The following PIK3C2G variants were observed in gnomAD, a reference collection of about 807,000 sequenced individuals.
PIK3C2G encodes the protein phosphatidylinositol 3-kinase C2 domain-containing subunit gamma.
Under a neutral mutation model 181.1 loss-of-function variants are expected in PIK3C2G, and 168 were observed. The ratio of observed to expected loss-of-function variants is 0.93; its 90% confidence interval spans 0.82 to 1.05. The LOEUF (loss-of-function observed/expected upper bound fraction) is 1.05. Ranked by LOEUF, PIK3C2G falls within the 50% of genes least tolerant of loss-of-function variation. The probability of loss-of-function intolerance (pLI) is 0.00; values close to 1 mark genes in which losing one functional copy is unlikely to be tolerated. For missense variants in PIK3C2G, 1,869 were observed against 1,732.8 expected (o/e 1.08, Z -1.40); for synonymous variants, 573 against 592.2 (o/e 0.97, Z 0.47).
chr12:18,518,568 G>T (rs1315133543), intron 24 of PIK3C2G, among the ~76,000 whole-genome samples: 2 of 151,916 alleles, frequency 1.3e-5, no homozygotes, highest in Admixed American at 6.6e-5. Flanking sequence ...TTTCTGTGGG[G>T]TCAGTGTTGA....
chr12:18,418,148 G>A (rs535526369), intron 16 of PIK3C2G, among the ~76,000 whole-genome samples: 1 of 152,272 alleles, frequency 6.6e-6, no homozygotes, highest in East Asian at 1.9e-4. Context: ...GTCAGTAGTT[G>A]AGGAATAAGG....
chr12:18,429,187 G>T (rs1247759650), intron 18 of PIK3C2G, among the ~76,000 whole-genome samples: 1 of 152,076 alleles, frequency 6.6e-6, no homozygotes, highest in Non-Finnish European at 1.5e-5. Flanking sequence ...CAGAGAGAAG[G>T]TCATGAAAAG....
At chr12:18,250,808 C>T (rs1446144845) in intron 1 of PIK3C2G, among the ~76,000 whole-genome samples, 1 of 151,950 alleles carries the variant, frequency 6.6e-6, no homozygotes, top group African/African-American at 2.4e-5. Context: ...CCAACTTCTG[C>T]TTTAACATTT....
intron 16 of PIK3C2G, among the ~76,000 whole-genome samples, chr12:18,400,966 C>A (rs936093449): frequency 2.6e-5 from 4 of 151,924 alleles, no homozygotes; most frequent in African/African-American, 4.8e-5. Flanking sequence ...TCTGACCTTG[C>A]CATGTAGAAT....
intron 18 of PIK3C2G, among the ~76,000 whole-genome samples, chr12:18,466,666 G>GACT (rs1359433817): frequency 6.6e-6 from 1 of 151,914 alleles, no homozygotes; most frequent in Non-Finnish European, 1.5e-5. Flanking sequence ...ATGGCATAAT[G>GACT]ACTAGTTGGA....
intron 11 of PIK3C2G, among the ~76,000 whole-genome samples, chr12:18,356,024 T>G (rs1257773715): frequency 6.6e-6 from 1 of 152,178 alleles, no homozygotes; most frequent in African/African-American, 2.4e-5. Context: ...CCGGCAATAC[T>G]GAGGAGTGGC....
At chr12:18,362,959 C>A (rs968471721) in intron 12 of PIK3C2G, 73 bp downstream of exon 12, 2 of 1,209,522 alleles carry the variant, frequency 1.7e-6, no homozygotes, top group Non-Finnish European at 2.2e-6. Flanking sequence ...TTTTTAAAAG[C>A]AAGGGATGTA....
the PIK3C2G span, among the ~76,000 whole-genome samples, chr12:18,712,413 C>A: frequency 1.3e-5 from 2 of 152,072 alleles, no homozygotes; most frequent in Non-Finnish European, 2.9e-5. Context: ...CTTACTATAT[C>A]AATAGCTGTC....
intron 1 of PIK3C2G, among the ~76,000 whole-genome samples, chr12:18,266,047 C>T (rs11043987): frequency 0.067 from 9,088 of 135,242 alleles, 771 homozygotes; most frequent in East Asian, 0.42. Flanking sequence ...AAAAACACTA[C>T]GCAATAGAAA....
At position 18,503,100 on chromosome 12, in the gene PIK3C2G, T is replaced by C. The variant is rs544210971; in HGVS notation, c.3017-181T>C. On this transcript the variant is annotated intron_variant, in intron 22 of 32. Coordinates refer to ENST00000538779, the MANE Select transcript of PIK3C2G (RefSeq NM_001288772.2). ...ATCCAAACACAAGTAGCCTCATTGT[T>C]CTCCAGGATTTTGGGAAGAATTAGA... Among the ~76,000 whole-genome samples the C allele has an allele frequency of 2.6e-5, 4 of 152,280 alleles. No homozygotes were observed. The East Asian group carries it at 7.7e-4, about 29-fold the overall frequency.
intron 29 of PIK3C2G, among the ~76,000 whole-genome samples, chr12:18,569,244 G>T (rs867603678): frequency 6.6e-6 from 1 of 152,038 alleles, no homozygotes; most frequent in Non-Finnish European, 1.5e-5. Context: ...GCCCGGCAGA[G>T]AAACCAAAAA....
the PIK3C2G span, among the ~76,000 whole-genome samples, chr12:18,675,339 T>G: frequency 4.6e-5 from 7 of 152,132 alleles, no homozygotes; most frequent in African/African-American, 1.7e-4. Flanking sequence ...ATAACCATTA[T>G]AGAAGTCTAG....
chr12:18,571,050 A>AC lies in PIK3C2G; in HGVS notation c.4011+3997dup, dbSNP rs562696961. Among the ~76,000 whole-genome samples, 651 of 150,880 alleles carry AC rather than the reference A, an allele frequency of 4.3e-3. 45 individuals carry two copies. The highest frequency in any genetic ancestry group is 0.015 in the African/African-American group (617 of 40,428). ...TCCCTTCTAGTAAAGGTTTGATTGCACCCCACAAATCTCTCTATACAATAT... is the reference window on the plus strand; with the variant it reads ...TCCCTTCTAGTAAAGGTTTGATTGCACCCCCACAAATCTCTCTATACAATAT... On this transcript the variant is annotated intron_variant, in intron 29 of 32. Coordinates refer to ENST00000538779, the MANE Select transcript of PIK3C2G (RefSeq NM_001288772.2).
intron 18 of PIK3C2G, among the ~76,000 whole-genome samples, chr12:18,456,356 G>A (rs1393926950): frequency 6.6e-6 from 1 of 151,714 alleles, no homozygotes; most frequent in African/African-American, 2.4e-5. Context: ...TAAGAGTGGA[G>A]GCTTATTAGT....
chr12:18,391,551 A>G (rs959426689), intron 15 of PIK3C2G, among the ~76,000 whole-genome samples: 2 of 152,200 alleles, frequency 1.3e-5, no homozygotes, highest in African/African-American at 4.8e-5. Context: ...GCAGTGATAA[A>G]CCATCTCTCA....
At chr12:18,303,804 T>C (rs940501117) in intron 5 of PIK3C2G, among the ~76,000 whole-genome samples, 3 of 152,220 alleles carry the variant, frequency 2.0e-5, no homozygotes, top group African/African-American at 4.8e-5. Context: ...TAAATACTAG[T>C]CTTTTTTAAA....
intron 31 of PIK3C2G, among the ~76,000 whole-genome samples, chr12:18,616,404 A>G (rs1044085083): frequency 1.3e-5 from 2 of 152,158 alleles, no homozygotes; most frequent in Non-Finnish European, 2.9e-5. Flanking sequence ...AGCTTAAGCT[A>G]TATTTATAAA....
chr12:18,352,213 T>A (rs186471582), intron 11 of PIK3C2G, among the ~76,000 whole-genome samples: 35 of 152,312 alleles, frequency 2.3e-4, no homozygotes, highest in African/African-American at 7.0e-4. Context: ...CTAGAACTAA[T>A]CTATGACAAC....
At chr12:18,253,472 TATA>T (rs1348562410) in intron 1 of PIK3C2G, among the ~76,000 whole-genome samples, 1 of 152,170 alleles carries the variant, frequency 6.6e-6, no homozygotes, top group Non-Finnish European at 1.5e-5. Flanking sequence ...CGTGTGTGTG[TATA>T]TGTATATATA....
Sources: gnomAD v4.1 joint callset for allele counts (sites outside exome capture counted in the v4.1 genomes callset) on GRCh38, gnomAD v4.1.1 for gene constraint, MANE v1.5 for transcripts, NCBI Gene and HGNC (gene_info 2026-07-23, HGNC 2026-07-21) for gene names.